PPOX: variants seen among roughly 807,000 people sequenced by gnomAD.
PPOX encodes the protein protoporphyrinogen oxidase.
A neutral mutation model predicts 54.1 loss-of-function variants in PPOX; 23 were observed. The ratio of observed to expected loss-of-function variants is 0.43; its 90% CI spans 0.31 to 0.60. The LOEUF is 0.60. Ranked by LOEUF, PPOX falls within the 20% of genes least tolerant of loss-of-function variation. The probability of loss-of-function intolerance (pLI) is 0.13; values close to 1 mark genes in which losing one functional copy is unlikely to be tolerated. For missense variants in PPOX, 512 were observed against 601.1 expected (o/e 0.85, Z 1.55); for synonymous variants, 224 against 236.1 (o/e 0.95, Z 0.47).
At chr1:161,171,931 C>T (rs746359457), downstream of PPOX, 22 of 1,614,020 alleles carry the variant, frequency 1.4e-5, no homozygotes, top group Non-Finnish European at 1.7e-5. Context: ...AGGTGGGTAA[C>T]GTGGCCCAGA....
chr1:161,173,785 CA>C, downstream of PPOX: 1 of 1,611,552 alleles, frequency 6.2e-7, no homozygotes, highest in Non-Finnish European at 8.5e-7. Flanking sequence ...TCCCCAACCA[CA>C]ATCCGCTTGG....
chr1:161,166,459 G>T lies in PPOX; in HGVS notation c.-222G>T. The T allele has an allele frequency of 2.5e-6, 3 of 1,221,734 alleles. No homozygotes were observed. Among genetic ancestry groups the T allele is most frequent in the Admixed American group, 3.6e-5 (1 of 28,036 alleles). The allele number at this position is 1,221,734 out of a possible 1,614,324, so 75.7% of individuals were successfully genotyped here. On this transcript the variant is annotated 5_prime_UTR_variant, in exon 1 of 13. Transcript: ENST00000367999. ...CGTAGGAGAGACCGAAAAGGCTGGG[G>T]GTGGGAGTAGCGGATTTGAAGCACT...
chr1:161,168,439 C>G lies in PPOX; in HGVS notation c.479C>G (p.Ser160Cys). The change falls in exon 6 of 13, where the codon TCT becomes TGT. Residue 160 changes from serine (S) to cysteine (C), a missense_variant. Coordinates refer to ENST00000367999, the MANE Select transcript of PPOX (RefSeq NM_001122764.3). ...CCTAGTCTCACCCTTAAGGTGGCGT[C>G]TCTAGCCATGGACAGTCTCTGCCGT... Reference protein sequence around the residue: ...AQRRLGPEVASLAMDSLCRGV... With the variant: ...AQRRLGPEVACLAMDSLCRGV... The G allele has an allele frequency of 6.2e-7, 1 of 1,614,166 alleles. No individual in the cohort carries two copies. The highest frequency in any genetic ancestry group is 1.1e-5 in the South Asian group (1 of 91,084).
In PPOX at chr1:161,168,987, C is replaced by T. The variant is rs200192089; in HGVS notation, c.617-6C>T. The T allele has an allele frequency of 5.6e-4, 905 of 1,613,750 alleles. 1 individual carries two copies. Among genetic ancestry groups the T allele is most frequent in the Middle Eastern group, 2.2e-3 (13 of 5,830 alleles). ...CCTCAATGATTCTTCTTTGCTTCCT[C>T]TGCAGGGCGGACCCCACAGCCAGAC... On this transcript the variant is annotated splice_polypyrimidine_tract_variant and splice_region_variant and intron_variant, in intron 6 of 12. Transcript: ENST00000367999.
At chr1:161,176,600 G>A in intron 4 of PPOX, 1 of 542,040 alleles carries the variant, frequency 1.8e-6, no homozygotes, top group Non-Finnish European at 3.3e-6. Context: ...AGTGGTAAAG[G>A]ATAACTAGCT....
At chr1:161,176,588 G>A (rs748249893) in intron 4 of PPOX, 66 of 521,716 alleles carry the variant, frequency 1.3e-4, no homozygotes, top group Non-Finnish European at 2.0e-4. Flanking sequence ...AGCTGGAACA[G>A]AAGTGGTAAA....
upstream of PPOX, chr1:161,166,164 G>C: frequency 1.0e-6 from 1 of 984,384 alleles, no homozygotes; most frequent in Non-Finnish European, 1.2e-6. Flanking sequence ...TGTCACCCTA[G>C]CTGGACCTGG....
At chr1:161,168,237 T>G in intron 5 of PPOX, 110 bp downstream of exon 5, 1 of 1,570,464 alleles carries the variant, frequency 6.4e-7, no homozygotes, top group Non-Finnish European at 8.7e-7. Context: ...GGATGCCCTC[T>G]TCTCTTCATA....
intron 6 of PPOX, among the ~76,000 whole-genome samples, 194 bp downstream of exon 6, chr1:161,168,770 C>T (rs910738741): frequency 4.6e-5 from 7 of 152,092 alleles, no homozygotes; most frequent in African/African-American, 1.5e-4. Context: ...TCAAGCAATT[C>T]TCCTGCCTCA....
chr1:161,171,461 T>C (rs1191676962), downstream of PPOX: 1 of 591,130 alleles, frequency 1.7e-6, no homozygotes, highest in African/African-American at 1.9e-5. Context: ...ATAGAATAAA[T>C]ATTCACAGAG....
chr1:161,173,528 G>A, downstream of PPOX: 1 of 1,600,560 alleles, frequency 6.2e-7, no homozygotes, highest in South Asian at 1.1e-5. Flanking sequence ...AGTGTTGAAG[G>A]GCTATGGTCA....
chr1:161,177,166 T>A, downstream of PPOX: 7 of 1,262,592 alleles, frequency 5.5e-6, no homozygotes, highest in Non-Finnish European at 6.6e-6. Context: ...CTGGAAGGGC[T>A]CACCTAGAGG....
At position 161,169,860 on chromosome 1, in the gene PPOX, C is replaced by G. The variant is rs372444567; in HGVS notation, c.869-46C>G. On this transcript the variant is annotated intron_variant, in intron 8 of 12. Coordinates refer to ENST00000367999, the MANE Select transcript of PPOX (RefSeq NM_001122764.3). ...GTCTAATCCCAAAGAGGACTGACAA[C>G]TGTAATGGGAATGCCTTCTGAGTCA... 2.1e-4 allele frequency: 342 copies of G among 1,614,158 alleles called. 10 individuals are homozygous for G. In the South Asian group the frequency reaches 3.6e-3, roughly 17 times the overall value.
chr1:161,167,024 G>T, intron 2 of PPOX, 76 bp from the exon 3 acceptor site: 1 of 1,612,396 alleles, frequency 6.2e-7, no homozygotes, highest in Admixed American at 1.7e-5. Context: ...CTCTGAATAT[G>T]CCTCTTCCCC....
intron 2 of PPOX, 59 bp from the exon 3 acceptor site, chr1:161,167,041 C>A (rs1158554833): frequency 6.2e-7 from 1 of 1,613,832 alleles, no homozygotes; most frequent in Non-Finnish European, 8.5e-7. Context: ...CCCCTCCCCT[C>A]CTGACCTCTC....
At chr1:161,171,628 A>G (rs1661460013), downstream of PPOX, 1 of 737,120 alleles carries the variant, frequency 1.4e-6, no homozygotes, top group Non-Finnish European at 2.2e-6. Context: ...GAGACCCTAG[A>G]GAGAGGGACC....
At position 161,171,212 on chromosome 1, in the gene PPOX, G is replaced by C. The variant is rs921792962; in HGVS notation, c.*36G>C. On this transcript the variant is annotated 3_prime_UTR_variant, in exon 13 of 13. Transcript: ENST00000367999. ...TCATTCATGAAAATAAAAATTGCTG[G>C]AGCTTGGCTTGGTCTGGCTGTTCTA... 6.2e-7 allele frequency: 1 copy of C among 1,612,426 alleles called. No homozygotes were observed. The highest frequency in any genetic ancestry group is 8.5e-7 in the Non-Finnish European group (1 of 1,180,030).
downstream of PPOX, chr1:161,173,527 G>A: frequency 2.5e-6 from 4 of 1,600,248 alleles, no homozygotes; most frequent in Non-Finnish European, 3.4e-6. Context: ...TAGTGTTGAA[G>A]GGCTATGGTC....
Position 161,169,933 on chromosome 1 carries a change from C to A in PPOX, c.896C>A (p.Ala299Asp), listed in dbSNP as rs566010735. ...SVLSELLPAE[A>D]APLARALSAI... ...CTCAGTGAGCTGCTCCCTGCTGAGG[C>A]TGCCCCTCTGGCTCGTGCCCTGAGT... Residue 299 changes from alanine (A) to aspartate (D), a missense_variant, in exon 9 of 13, where the codon GCT becomes GAT. Transcript: ENST00000367999. The A allele has an allele frequency of 1.2e-6, 2 of 1,614,206 alleles. No homozygotes were observed. Among genetic ancestry groups the A allele is most frequent in the Admixed American group, 1.7e-5 (1 of 60,030 alleles).
Sources: gnomAD v4.1 joint callset for allele counts (sites outside exome capture counted in the v4.1 genomes callset) on GRCh38, gnomAD v4.1.1 for gene constraint, MANE v1.5 for transcripts, NCBI Gene and HGNC (gene_info 2026-07-23, HGNC 2026-07-21) for gene names.